PPP2R2C: variants seen among roughly 807,000 people sequenced by gnomAD.
PPP2R2C encodes the protein protein phosphatase 2, regulatory subunit B, gamma.
Under a neutral mutation model 45.3 loss-of-function variants are expected in PPP2R2C, and 10 were observed. That is an observed-to-expected ratio of 0.22 (90% confidence interval 0.14 to 0.37). The LOEUF (loss-of-function observed/expected upper bound fraction) is 0.37, where lower values mean the gene tolerates loss of function less well. Ranked by LOEUF, PPP2R2C falls within the 10% of genes least tolerant of loss-of-function variation. The pLI, the probability that PPP2R2C is intolerant of heterozygous loss-of-function variation, is 1.00. For missense variants in PPP2R2C, 308 were observed against 619.7 expected, an observed-to-expected ratio of 0.50 and a Z score of 5.34; for synonymous variants, 257 against 245.4, an observed-to-expected ratio of 1.05 and a Z score of -0.44.
chr4:6,459,998 G>A (rs909001037), intron 1 of PPP2R2C, among the ~76,000 whole-genome samples: 2 of 152,102 alleles, frequency 1.3e-5, no homozygotes, highest in East Asian at 1.9e-4. Context: ...AAATATGCAC[G>A]CAAAAAGGTG....
At chr4:6,335,930 C>T (rs56342727) in intron 6 of PPP2R2C, among the ~76,000 whole-genome samples, 38,064 of 151,902 alleles carry the variant, frequency 0.25, 4,958 homozygotes, top group Admixed American at 0.28. Context: ...GATCTATATC[C>T]CTGTCCTTAG....
chr4:6,468,071 A>G (rs557749306), intron 1 of PPP2R2C, among the ~76,000 whole-genome samples: 1 of 152,186 alleles, frequency 6.6e-6, no homozygotes, highest in Non-Finnish European at 1.5e-5. Context: ...ACTAGGAACC[A>G]TATGTGTTCT....
intron 2 of PPP2R2C, among the ~76,000 whole-genome samples, chr4:6,533,186 A>ATCC (rs1389299052): frequency 2.6e-5 from 4 of 152,328 alleles, no homozygotes; most frequent in African/African-American, 9.6e-5. Context: ...AATGAAAGTA[A>ATCC]TCCTAAGAAC....
chr4:6,335,315 C>T (rs1434510977), intron 6 of PPP2R2C, among the ~76,000 whole-genome samples: 1 of 152,130 alleles, frequency 6.6e-6, no homozygotes, highest in African/African-American at 2.4e-5. Context: ...TGAACAGGGC[C>T]TCCGTGGGAG....
intron 2 of PPP2R2C, among the ~76,000 whole-genome samples, chr4:6,495,514 A>G (rs932375259): frequency 5.9e-5 from 9 of 152,142 alleles, no homozygotes; most frequent in African/African-American, 1.9e-4. Context: ...CCCACACTCT[A>G]TGTCCTCCTG....
chr4:6,486,777 G>C (rs2108782462), intron 2 of PPP2R2C, among the ~76,000 whole-genome samples: 1 of 152,022 alleles, frequency 6.6e-6, no homozygotes, highest in Admixed American at 6.5e-5. Context: ...CATATATTTG[G>C]GTCTTGCCTT....
chr4:6,388,338 GC>G (rs1716373828), intron 1 of PPP2R2C, among the ~76,000 whole-genome samples: 1 of 152,334 alleles, frequency 6.6e-6, no homozygotes, highest in African/African-American at 2.4e-5. Context: ...GCACGCCAGA[GC>G]CAGAGATGGG....
intron 6 of PPP2R2C, among the ~76,000 whole-genome samples, chr4:6,336,440 G>A (rs1380188766): frequency 6.6e-6 from 1 of 151,996 alleles, no homozygotes; most frequent in Non-Finnish European, 1.5e-5. Context: ...GGCCTTGAAC[G>A]CCTTCACCTC....
At chr4:6,346,417 T>G (rs1322488938) in intron 6 of PPP2R2C, among the ~76,000 whole-genome samples, 2 of 152,186 alleles carry the variant, frequency 1.3e-5, no homozygotes, top group African/African-American at 4.8e-5. Flanking sequence ...CTGTGGTCTC[T>G]TCAGGGAGGC....
intron 2 of PPP2R2C, among the ~76,000 whole-genome samples, chr4:6,480,055 G>A (rs942864353): frequency 1.6e-4 from 24 of 151,788 alleles, no homozygotes; most frequent in Non-Finnish European, 2.8e-4. Flanking sequence ...ACAGAGATAT[G>A]GCTGAAGTTC....
At chr4:6,536,432 C>T (rs139374092) in intron 1 of PPP2R2C, among the ~76,000 whole-genome samples, 16 of 151,918 alleles carry the variant, frequency 1.1e-4, no homozygotes, top group East Asian at 7.7e-4. Context: ...GAAACACACA[C>T]GAAGAAAGAA....
chr4:6,416,932 T>TCC (rs1304257422), intron 1 of PPP2R2C, among the ~76,000 whole-genome samples: 1 of 150,444 alleles, frequency 6.6e-6, no homozygotes, highest in Non-Finnish European at 1.5e-5. Context: ...TGGGAAAGAG[T>TCC]CCAGCCCCGC....
chr4:6,508,325 G>T (rs1333802898), intron 2 of PPP2R2C, among the ~76,000 whole-genome samples: 1 of 152,188 alleles, frequency 6.6e-6, no homozygotes, highest in Non-Finnish European at 1.5e-5. Context: ...GGTGGCTCAC[G>T]CCTGTAATCC....
chr4:6,494,648 G>A (rs73207885), intron 2 of PPP2R2C, among the ~76,000 whole-genome samples: 39,601 of 151,954 alleles, frequency 0.26, 5,893 homozygotes, highest in Middle Eastern at 0.34. Flanking sequence ...CCAAGCACAC[G>A]CGGCACGCCG....
intron 1 of PPP2R2C, among the ~76,000 whole-genome samples, chr4:6,453,789 TG>T (rs1720871668): frequency 6.6e-6 from 1 of 152,160 alleles, no homozygotes; most frequent in Admixed American, 6.5e-5. Context: ...CCTACTGCAG[TG>T]GCCCTGGCAA....
intron 1 of PPP2R2C, among the ~76,000 whole-genome samples, chr4:6,556,231 C>T (rs1054112215): frequency 1.3e-5 from 2 of 152,268 alleles, no homozygotes; most frequent in Admixed American, 6.5e-5. Flanking sequence ...GCATTTGAAT[C>T]AGTAGACTAA....
At chr4:6,333,262 C>A (rs1732560153) in intron 7 of PPP2R2C, among the ~76,000 whole-genome samples, 1 of 152,222 alleles carries the variant, frequency 6.6e-6, no homozygotes, top group African/African-American at 2.4e-5. Context: ...TCCACTGGGG[C>A]CCAGCCTGAC....
intron 1 of PPP2R2C, among the ~76,000 whole-genome samples, chr4:6,434,783 T>C (rs1285814326): frequency 4.1e-5 from 1 of 24,152 alleles, no homozygotes; most frequent in Non-Finnish European, 9.4e-5. Flanking sequence ...TCCTTGCCTA[T>C]ACGATAGATA....
rs761226047 is a variant in PPP2R2C at position 6,381,054 on chromosome 4, C to T, written c.111G>A (p.Glu37=). 11 of 1,587,976 alleles carry T rather than the reference C, an allele frequency of 6.9e-6. No homozygotes were observed. Among genetic ancestry groups the T allele is most frequent in the Non-Finnish European group, 9.4e-6 (11 of 1,164,124 alleles). Residue 37 remains glutamate, a synonymous_variant, in exon 2 of 9, where the codon GAG becomes GAA. Coordinates refer to ENST00000382599, the MANE Select transcript of PPP2R2C (RefSeq NM_020416.4). ...ISTVEFNHTG[E]LLATGDKGGR... ...CGCCCTTGTCACCTGTGGCCAGCAG[C>T]TCTCCCGTGTGGTTGAACTCAACGG...
Sources: allele counts gnomAD v4.1 joint callset (sites outside exome capture counted in the v4.1 genomes callset), GRCh38; gene constraint gnomAD v4.1.1; transcripts MANE v1.5; gene names NCBI Gene and HGNC (gene_info 2026-07-23, HGNC 2026-07-21).